XG: variants seen among roughly 807,000 people sequenced by gnomAD.
XG encodes glycoprotein Xg.
A neutral mutation model predicts 25.7 loss-of-function variants in XG; 24 were observed. The observed-to-expected ratio is 0.93, with a 90% confidence interval of 0.68 to 1.31. The LOEUF (loss-of-function observed/expected upper bound fraction) is 1.31. Ranked by LOEUF, XG falls within the 40% of genes most tolerant of loss-of-function variation. The pLI, the probability that XG is intolerant of heterozygous loss-of-function variation, is 0.00. For synonymous variants in XG, 77 were observed against 69.2 expected, an observed-to-expected ratio of 1.11 and a Z score of -0.56; for missense variants, 181 against 187.6, an observed-to-expected ratio of 0.96 and a Z score of 0.21.
chrX:2,811,145 T>A (rs1406741658), intron 9 of XG, among the ~76,000 whole-genome samples, 191 bp from the exon 10 acceptor site: 5 of 110,665 alleles, frequency 4.5e-5, no homozygotes, highest in Non-Finnish European at 1.9e-5. Context: ...TCTCTTTTTT[T>A]TCTGTGAATA....
chrX:2,795,523 A>G (rs1281099918), intron 6 of XG, among the ~76,000 whole-genome samples: 5 of 108,633 alleles, frequency 4.6e-5, no homozygotes, highest in Non-Finnish European at 1.9e-5. Flanking sequence ...ATGCCTTTAT[A>G]TACGTACACA....
At chrX:2,776,117 C>A (rs769575152) in intron 3 of XG, among the ~76,000 whole-genome samples, 5 of 143,504 alleles carry the variant, frequency 3.5e-5, no homozygotes, top group Admixed American at 1.4e-4. Flanking sequence ...GTATGTTGTA[C>A]CTGAGCGAGT....
intron 1 of XG, among the ~76,000 whole-genome samples, chrX:2,754,950 G>A (rs1229079156): frequency 2.0e-5 from 3 of 152,146 alleles, no homozygotes; most frequent in Admixed American, 1.3e-4. Context: ...AGTATTAACC[G>A]TCACAGATAT....
chrX:2,797,703 A>G (rs2086899023), intron 7 of XG, among the ~76,000 whole-genome samples: 1 of 110,880 alleles, frequency 9.0e-6, no homozygotes, highest in Non-Finnish European at 1.9e-5. Context: ...CAAATTCTTT[A>G]GGGGCGCAGC....
At chrX:2,799,616 C>A (rs1019646200) in intron 7 of XG, among the ~76,000 whole-genome samples, 3 of 110,734 alleles carry the variant, frequency 2.7e-5, no homozygotes, top group African/African-American at 9.9e-5. Context: ...GTCTGCTGGG[C>A]GGGGGTGACT....
chrX:2,803,515 G>A (rs1444240065), intron 7 of XG, among the ~76,000 whole-genome samples: 2 of 110,532 alleles, frequency 1.8e-5, no homozygotes, highest in Non-Finnish European at 3.8e-5. Flanking sequence ...AGGCATTCAG[G>A]GTCCAGAGTT....
At position 2,779,704 on chromosome X, in the gene XG, T is replaced by TGGCGTGA. The variant is rs1441833639; in HGVS notation, c.128-2361_128-2355dup. Among the ~76,000 whole-genome samples the TGGCGTGA allele has an allele frequency of 1.1e-4, 17 of 152,278 alleles. No individual in the cohort carries two copies. In the South Asian group the frequency reaches 1.9e-3, roughly 17 times the overall value. The stretch of plus-strand genomic sequence containing the variant: ...CTCTGTTGCCCAGGCTGGAGTGCAG[T>TGGCGTGA]GGCGTGATCTTGGCTCACTGTAACC... On this transcript the variant is annotated intron_variant, in intron 3 of 10. Coordinates refer to ENST00000644266, the MANE Select transcript of XG (RefSeq NM_001141919.2).
chrX:2,767,118 C>G (rs1459045317), intron 1 of XG, among the ~76,000 whole-genome samples: 1 of 152,054 alleles, frequency 6.6e-6, no homozygotes, highest in Non-Finnish European at 1.5e-5. Flanking sequence ...AAGCCTGAAC[C>G]ACGTGCAGGT....
intron 1 of XG, among the ~76,000 whole-genome samples, chrX:2,766,233 C>G (rs1262169626): frequency 6.6e-6 from 1 of 152,212 alleles, no homozygotes; most frequent in East Asian, 1.9e-4. Flanking sequence ...CTCCACCTCC[C>G]AGGTTCAAGC....
At chrX:2,754,914 C>A (rs2050402681) in intron 1 of XG, among the ~76,000 whole-genome samples, 1 of 152,188 alleles carries the variant, frequency 6.6e-6, no homozygotes, top group East Asian at 1.9e-4. Flanking sequence ...TACTTTGTAT[C>A]CTTCAATCCA....
intron 6 of XG, among the ~76,000 whole-genome samples, 193 bp downstream of exon 6, chrX:2,794,796 C>T (rs764137628): frequency 4.5e-5 from 5 of 111,900 alleles, no homozygotes; most frequent in Admixed American, 9.5e-5. Context: ...GGCATCTGTC[C>T]GCCTCTCCAG....
chrX:2,754,404 G>A (rs1050173479), intron 1 of XG, among the ~76,000 whole-genome samples: 9 of 152,092 alleles, frequency 5.9e-5, no homozygotes, highest in African/African-American at 2.2e-4. Flanking sequence ...CCTGTCCTGC[G>A]CTAAATTCTT....
chrX:2,810,327 T>C (rs1426521768), intron 9 of XG, among the ~76,000 whole-genome samples: 1 of 111,595 alleles, frequency 9.0e-6, no homozygotes, highest in Non-Finnish European at 1.9e-5. Flanking sequence ...TCCTTCTTGT[T>C]CTTTGTGCAG....
chrX:2,760,343 T>C (rs1216933946), intron 1 of XG, among the ~76,000 whole-genome samples: 1 of 152,018 alleles, frequency 6.6e-6, no homozygotes, highest in Non-Finnish European at 1.5e-5. Context: ...ATGGTTTAAA[T>C]CTGTTGTGAG....
intron 7 of XG, among the ~76,000 whole-genome samples, chrX:2,804,445 G>A (rs2086974241): frequency 9.3e-6 from 1 of 107,747 alleles, no homozygotes. Flanking sequence ...CTTGAACTGG[G>A]CTCAAGCGAT....
chrX:2,770,894 G>A (rs1430545560), intron 2 of XG, among the ~76,000 whole-genome samples: 1 of 152,034 alleles, frequency 6.6e-6, no homozygotes, highest in Non-Finnish European at 1.5e-5. Context: ...TGCCCAGACT[G>A]GAGTGCAGTG....
At chrX:2,761,536 A>T (rs1302147723) in intron 1 of XG, among the ~76,000 whole-genome samples, 1 of 152,066 alleles carries the variant, frequency 6.6e-6, no homozygotes, top group African/African-American at 2.4e-5. Flanking sequence ...GGACACAGGG[A>T]GAAGATGGTG....
At chrX:2,776,762 G>A (rs1039233770) in intron 3 of XG, among the ~76,000 whole-genome samples, 1 of 152,096 alleles carries the variant, frequency 6.6e-6, no homozygotes, top group African/African-American at 2.4e-5. Context: ...GCAGGAGAAT[G>A]GCGTGAACCC....
chrX:2,770,570 G>A lies in XG; in HGVS notation c.82G>A (p.Ala28Thr), dbSNP rs2050796031. The change falls in exon 2 of 11, where the codon GCA (alanine) becomes ACA (threonine). Residue 28 changes from alanine (A) to threonine (T), a missense_variant. Transcript: ENST00000644266. ...AATAGGTCAAAGAGACTTTGATTTG[G>A]CAGATGCCCTTGATGACCCTGGTAA... ...HARGQRDFDL[A>T]DALDDPEPTK... The A allele has an allele frequency of 6.2e-7, 1 of 1,613,920 alleles. No individual in the cohort carries two copies. The highest frequency in any genetic ancestry group is 8.5e-7 in the Non-Finnish European group (1 of 1,179,856).
Sources: gnomAD v4.1 joint callset for allele counts (sites outside exome capture counted in the v4.1 genomes callset) on GRCh38, gnomAD v4.1.1 for gene constraint, MANE v1.5 for transcripts, NCBI Gene and HGNC (gene_info 2026-07-23, HGNC 2026-07-21) for gene names.